Variants in DNM3 observed in about 807,000 individuals in gnomAD.
DNM3 encodes dynamin-3.
DNM3 carries 47 observed loss-of-function variants against 101.6 expected under a neutral mutation model. The observed-to-expected ratio is 0.46, with a 90% CI of 0.37 to 0.59. The LOEUF is 0.59. DNM3 is among the 20% of genes least tolerant of loss of function. The pLI is 0.00. For synonymous variants in DNM3, 385 were observed against 387.9 expected (o/e 0.99, Z 0.09); for missense variants, 849 against 1,085.7 (o/e 0.78, Z 3.06).
chr1:171,981,468 T>A (rs750795020), intron 2 of DNM3, among the ~76,000 whole-genome samples: 1 of 152,258 alleles, frequency 6.6e-6, no homozygotes, highest in Non-Finnish European at 1.5e-5. Flanking sequence ...AATATTTAAA[T>A]TCTTACAGTC....
intron 13 of DNM3, among the ~76,000 whole-genome samples, chr1:172,129,254 T>C (rs76934251): frequency 0.021 from 3,196 of 152,268 alleles, 101 homozygotes; most frequent in African/African-American, 0.071. Flanking sequence ...AAAATAAAGT[T>C]TGATTGTATG....
intron 13 of DNM3, chr1:172,093,853 T>A: frequency 1.3e-6 from 1 of 764,330 alleles, no homozygotes; most frequent in Non-Finnish European, 2.1e-6. Flanking sequence ...GGTTGTCTTG[T>A]CCGTAACACC....
At chr1:172,174,903 A>G (rs562236511) in intron 14 of DNM3, among the ~76,000 whole-genome samples, 72 of 151,898 alleles carry the variant, frequency 4.7e-4, no homozygotes, top group African/African-American at 1.7e-3. Context: ...TCCATAATTT[A>G]TCTAAGTGGC....
chr1:172,027,357 G>T (rs937117359), intron 4 of DNM3, among the ~76,000 whole-genome samples: 1 of 152,112 alleles, frequency 6.6e-6, no homozygotes, highest in Non-Finnish European at 1.5e-5. Context: ...TGCCGAGGTG[G>T]GTGGATCACG....
intron 2 of DNM3, among the ~76,000 whole-genome samples, chr1:171,940,998 G>C (rs573322114): frequency 6.6e-6 from 1 of 151,996 alleles, no homozygotes; most frequent in Non-Finnish European, 1.5e-5. Flanking sequence ...CTAAATTGTT[G>C]TTTGCTTTAA....
At chr1:171,858,570 C>T (rs1002464424) in intron 1 of DNM3, among the ~76,000 whole-genome samples, 1 of 152,128 alleles carries the variant, frequency 6.6e-6, no homozygotes, top group Non-Finnish European at 1.5e-5. Context: ...GTAAGATTTA[C>T]CTGAGGAACT....
chr1:172,021,148 G>C (rs1558434482), intron 4 of DNM3, among the ~76,000 whole-genome samples: 1 of 152,204 alleles, frequency 6.6e-6, no homozygotes, highest in Non-Finnish European at 1.5e-5. Flanking sequence ...TGCCAGATAG[G>C]AGTCCTGCTA....
intron 14 of DNM3, among the ~76,000 whole-genome samples, chr1:172,205,003 A>G (rs1036976875): frequency 1.3e-5 from 2 of 152,184 alleles, no homozygotes; most frequent in African/African-American, 4.8e-5. Context: ...ATAATGGAAA[A>G]GAAAATAGTA....
intron 1 of DNM3, among the ~76,000 whole-genome samples, chr1:171,862,189 A>C (rs755516214): frequency 1.3e-4 from 20 of 152,184 alleles, no homozygotes; most frequent in Non-Finnish European, 2.8e-4. Flanking sequence ...CAAAAGTTAA[A>C]CATAGTTATC....
intron 19 of DNM3, 98 bp from the exon 20 acceptor site, chr1:172,388,475 A>C (rs2069327933): frequency 1.8e-6 from 2 of 1,090,052 alleles, no homozygotes; most frequent in East Asian, 5.2e-5. Flanking sequence ...TTCAGTCAAA[A>C]AATAATTTTT....
intron 16 of DNM3, among the ~76,000 whole-genome samples, chr1:172,316,565 C>CA (rs769878560): frequency 1.5e-4 from 23 of 151,474 alleles, no homozygotes; most frequent in African/African-American, 5.3e-4. Context: ...AAATGGAAAA[C>CA]AAAAAAAGGC....
intron 4 of DNM3, among the ~76,000 whole-genome samples, chr1:172,016,081 G>A (rs2047432959): frequency 6.6e-6 from 1 of 151,852 alleles, no homozygotes; most frequent in Non-Finnish European, 1.5e-5. Flanking sequence ...CAGCTACTTG[G>A]GAGGCTGAGG....
chr1:172,359,074 A>G (rs368875151), intron 17 of DNM3, among the ~76,000 whole-genome samples: 98 of 151,436 alleles, frequency 6.5e-4, no homozygotes, highest in African/African-American at 2.1e-3. Context: ...GGCCTGGGGC[A>G]TCACTGAATT....
chr1:172,200,515 A>G (rs1350430843), intron 14 of DNM3, among the ~76,000 whole-genome samples: 2 of 152,014 alleles, frequency 1.3e-5, no homozygotes, highest in Non-Finnish European at 2.9e-5. Flanking sequence ...GTTATTTGCT[A>G]TCTCCTCTTC....
intron 14 of DNM3, among the ~76,000 whole-genome samples, chr1:172,155,539 T>C (rs2058304329): frequency 2.0e-5 from 3 of 152,130 alleles, no homozygotes; most frequent in Admixed American, 1.3e-4. Flanking sequence ...CTACACTTAA[T>C]AATTAATACA....
chr1:172,236,379 A>G (rs1018006038), intron 14 of DNM3, among the ~76,000 whole-genome samples: 4 of 152,194 alleles, frequency 2.6e-5, no homozygotes, highest in Non-Finnish European at 5.9e-5. Flanking sequence ...TGGAGAGAAA[A>G]GAGAGAGAAG....
At chr1:171,945,323 C>T (rs2042105427) in intron 2 of DNM3, among the ~76,000 whole-genome samples, 1 of 151,870 alleles carries the variant, frequency 6.6e-6, no homozygotes, top group African/African-American at 2.4e-5. Context: ...ATATATAGCA[C>T]AGTTATATAA....
At chr1:172,020,654 G>A (rs987481880) in intron 4 of DNM3, among the ~76,000 whole-genome samples, 1 of 148,698 alleles carries the variant, frequency 6.7e-6, no homozygotes, top group African/African-American at 2.5e-5. Context: ...AACCCGGGAG[G>A]TGGAGCTTGC....
chr1:172,167,264 G>T (rs1262985580), intron 14 of DNM3, among the ~76,000 whole-genome samples: 3 of 151,986 alleles, frequency 2.0e-5, no homozygotes, highest in African/African-American at 7.2e-5. Context: ...CTTTTTTATG[G>T]CTGCATAGTA....
Sources: allele counts gnomAD v4.1 joint callset (sites outside exome capture counted in the v4.1 genomes callset), GRCh38; gene constraint gnomAD v4.1.1; transcripts MANE v1.5; gene names NCBI Gene and HGNC (gene_info 2026-07-23, HGNC 2026-07-21).